Variants in GREM2 observed in about 807,000 individuals in gnomAD.
GREM2 encodes the protein gremlin-2.
A neutral mutation model predicts 14.2 loss-of-function variants in GREM2; 11 were observed. That is an observed-to-expected ratio of 0.78 (90% CI 0.49 to 1.28). The LOEUF is 1.28. Among genes scored for constraint, GREM2 ranks in the 50% most tolerant of loss-of-function variants. GREM2 has a pLI of 0.00. For synonymous variants in GREM2, 98 were observed against 97.6 expected (o/e 1.00, Z -0.02); for missense variants, 210 against 218.5 (o/e 0.96, Z 0.24).
chr1:240,494,655 A>C (rs1014133346), intron 1 of GREM2, among the ~76,000 whole-genome samples: 1 of 152,104 alleles, frequency 6.6e-6, no homozygotes, highest in Non-Finnish European at 1.5e-5. Context: ...TCCCTAGCTG[A>C]CTTTGGGAGG....
chr1:240,549,137 ACCAGCCCGG>A (rs1678794573), intron 1 of GREM2, among the ~76,000 whole-genome samples: 1 of 152,156 alleles, frequency 6.6e-6, no homozygotes, highest in Non-Finnish European at 1.5e-5. Context: ...GGAGTTCAAA[ACCAGCCCGG>A]CCAACATGGA....
At chr1:240,595,839 A>G (rs1403672770) in intron 1 of GREM2, among the ~76,000 whole-genome samples, 1 of 152,198 alleles carries the variant, frequency 6.6e-6, no homozygotes, top group Non-Finnish European at 1.5e-5. Context: ...TCCAGGTCTT[A>G]GTCTAGCATG....
rs531991027 is a variant in GREM2 at position 240,532,068 on chromosome 1, A to AATT, written c.-1-38595_-1-38593dup. On this transcript the variant is annotated intron_variant, in intron 1 of 1. Coordinates refer to ENST00000318160, the MANE Select transcript of GREM2 (RefSeq NM_022469.4). ...TATAAAAAGTGAGGATTTGGAACTA[A>AATT]ATTATTATTATTATTATTATTATTT... Among the ~76,000 whole-genome samples, 774 of 151,028 alleles carry AATT rather than the reference A, an allele frequency of 5.1e-3. 5 individuals carry two copies. Among genetic ancestry groups the AATT allele is most frequent in the African/African-American group, 6.5e-3 (266 of 41,178 alleles).
intron 1 of GREM2, among the ~76,000 whole-genome samples, chr1:240,575,127 A>G (rs560110974): frequency 1.3e-5 from 2 of 152,052 alleles, no homozygotes; most frequent in South Asian, 4.1e-4. Context: ...ATAATAATAA[A>G]ATAAAATAAA....
intron 1 of GREM2, among the ~76,000 whole-genome samples, chr1:240,510,722 G>A (rs77073794): frequency 0.02 from 3,092 of 152,194 alleles, 119 homozygotes; most frequent in African/African-American, 0.07. Flanking sequence ...TCAGTCTGTG[G>A]TTAACATTTA....
chr1:240,513,526 G>GAT (rs1410165279), intron 1 of GREM2, among the ~76,000 whole-genome samples: 2 of 139,970 alleles, frequency 1.4e-5, no homozygotes, highest in Non-Finnish European at 3.1e-5. Flanking sequence ...AGTGAGCCGA[G>GAT]ATCACACCAT....
intron 1 of GREM2, among the ~76,000 whole-genome samples, chr1:240,534,450 G>A (rs566640983): frequency 6.6e-6 from 1 of 152,300 alleles, no homozygotes; most frequent in South Asian, 2.1e-4. Context: ...AGCACTTTGG[G>A]AGGCTGAGGC....
intron 1 of GREM2, among the ~76,000 whole-genome samples, chr1:240,546,325 T>G (rs1242569291): frequency 1.4e-5 from 2 of 141,110 alleles, no homozygotes; most frequent in African/African-American, 2.8e-5. Flanking sequence ...GTTGACAGAG[T>G]AAGGGAGACT....
intron 1 of GREM2, among the ~76,000 whole-genome samples, chr1:240,583,272 A>C (rs1003806740): frequency 1.3e-5 from 2 of 152,190 alleles, no homozygotes; most frequent in African/African-American, 4.8e-5. Flanking sequence ...AGGGCAAAAA[A>C]ATGCTCAGCC....
Position 240,505,983 on chromosome 1 carries a change from TAA to T in GREM2, c.-1-12509_-1-12508del, listed in dbSNP as rs961418929. On this transcript the variant is annotated intron_variant, in intron 1 of 1. Coordinates refer to ENST00000318160, the MANE Select transcript of GREM2 (RefSeq NM_022469.4). ...TTAAAACGTGGTATAACCATTTTTT[TAA>T]AAAAAAGATCCAGTTTGCAATACTC... Among the ~76,000 whole-genome samples, 7 of 151,980 alleles carry T rather than the reference TAA, an allele frequency of 4.6e-5. No individual in the cohort carries two copies. In the South Asian group the frequency reaches 1.5e-3, roughly 32 times the overall value.
rs184370682 is a variant in GREM2 at position 240,589,877 on chromosome 1, T to A, written c.-2+22007A>T. On this transcript the variant is annotated intron_variant, in intron 1 of 1. Transcript: ENST00000318160. The stretch of plus-strand genomic sequence containing the variant: ...AAGGCTTGCTGGAACAGGTGGCCTT[T>A]AAGCTGGGTCTGGACGGATGGGTAG... Among the ~76,000 whole-genome samples the A allele has an allele frequency of 1.1e-4, 17 of 152,250 alleles. No individual in the cohort carries two copies. In the East Asian group the frequency reaches 3.3e-3, roughly 29 times the overall value.
Position 240,491,869 on chromosome 1 carries a change from C to G in GREM2, c.*1100G>C, listed in dbSNP as rs1677259819. 6.4e-6 allele frequency: 1 copy of G among 155,236 alleles called. No individual in the cohort carries two copies. The highest frequency in any genetic ancestry group is 1.4e-5 in the Non-Finnish European group (1 of 69,502). 9.6% of individuals were successfully genotyped at this position (155,236 alleles called of 1,614,324 possible). On this transcript the variant is annotated 3_prime_UTR_variant, in exon 2 of 2. Coordinates refer to ENST00000318160, the MANE Select transcript of GREM2 (RefSeq NM_022469.4). The stretch of plus-strand genomic sequence containing the variant: ...TCCCAACGAATGCCCTTCCCTATAC[C>G]TATCCATCCCAAGCCAATTTCTACA...
chr1:240,546,987 G>C (rs962655199), intron 1 of GREM2, among the ~76,000 whole-genome samples: 5 of 152,186 alleles, frequency 3.3e-5, no homozygotes, highest in African/African-American at 1.2e-4. Flanking sequence ...ATTCAGACAA[G>C]AGAGAAGACA....
Position 240,510,097 on chromosome 1 carries a change from C to T in GREM2, c.-1-16621G>A, listed in dbSNP as rs192082536. ...TAAAAAGCAAATGGTAGGCCGGGTG[C>T]GGTGGCTCACGCCTGTAATCCCAGC... On this transcript the variant is annotated intron_variant, in intron 1 of 1. Transcript: ENST00000318160. Among the ~76,000 whole-genome samples the T allele has an allele frequency of 2.4e-3, 367 of 152,156 alleles. 1 individual carries two copies. Among genetic ancestry groups the T allele is most frequent in the Non-Finnish European group, 3.7e-3 (250 of 67,996 alleles).
intron 1 of GREM2, among the ~76,000 whole-genome samples, chr1:240,587,050 T>C (rs980547890): frequency 5.3e-5 from 8 of 152,326 alleles, no homozygotes; most frequent in East Asian, 3.9e-4. Flanking sequence ...CTTTATTTGA[T>C]CGATCCTGCT....
At chr1:240,549,642 C>A (rs1244447569) in intron 1 of GREM2, among the ~76,000 whole-genome samples, 1 of 152,138 alleles carries the variant, frequency 6.6e-6, no homozygotes, top group African/African-American at 2.4e-5. Flanking sequence ...AGAAGAGGAG[C>A]TACAGCTTCT....
At chr1:240,514,304 C>T (rs1294831418) in intron 1 of GREM2, among the ~76,000 whole-genome samples, 1 of 148,680 alleles carries the variant, frequency 6.7e-6, no homozygotes, top group Non-Finnish European at 1.5e-5. Context: ...GTCACATATT[C>T]CATTAGAGGT....
At chr1:240,521,791 A>AT (rs1050270259) in intron 1 of GREM2, among the ~76,000 whole-genome samples, 2 of 151,742 alleles carry the variant, frequency 1.3e-5, no homozygotes, top group Non-Finnish European at 2.9e-5. Context: ...TATGTGATGT[A>AT]TTTTTTTTCT....
intron 1 of GREM2, among the ~76,000 whole-genome samples, chr1:240,587,552 G>A (rs962454191): frequency 4.6e-5 from 7 of 152,062 alleles, no homozygotes; most frequent in Admixed American, 3.9e-4. Context: ...GAACTCCTGG[G>A]CTCAAGTGAT....
Sources: allele counts gnomAD v4.1 joint callset (sites outside exome capture counted in the v4.1 genomes callset), GRCh38; gene constraint gnomAD v4.1.1; transcripts MANE v1.5; gene names NCBI Gene and HGNC (gene_info 2026-07-23, HGNC 2026-07-21).